The following ITPR1 variants were observed in gnomAD, a reference collection of about 807,000 sequenced individuals.
The protein encoded by ITPR1 is inositol 1,4,5-trisphosphate-gated calcium channel ITPR1.
Under a neutral mutation model 318.4 loss-of-function variants are expected in ITPR1, and 96 were observed. The observed-to-expected ratio is 0.30, with a 90% CI of 0.26 to 0.36. The LOEUF (loss-of-function observed/expected upper bound fraction) is 0.36, where lower values mean the gene tolerates loss of function less well. Among genes scored for constraint, ITPR1 ranks in the 10% least tolerant of loss-of-function variants. The pLI is 1.00. For synonymous variants in ITPR1, 1,312 were observed against 1,289.9 expected (o/e 1.02, Z -0.37); for missense variants, 2,440 against 3,460.2 (o/e 0.71, Z 7.40).
chr3:4,722,052 C>T lies in ITPR1; in HGVS notation c.5137-3494C>T, dbSNP rs567750432. 1.3e-3 allele frequency among the ~76,000 whole-genome samples: 199 copies of T among 152,276 alleles called. 1 individual carries two copies. The highest frequency in any genetic ancestry group is 2.3e-3 in the Non-Finnish European group (155 of 68,030). ...CGCATATGCATATATTCAGTTACTACCCAAGGTACCATAATGAGGGCCTGA... is the reference window on the plus strand; with the variant it reads ...CGCATATGCATATATTCAGTTACTATCCAAGGTACCATAATGAGGGCCTGA... On this transcript the variant is annotated intron_variant, in intron 40 of 61. Transcript: ENST00000649015.
chr3:4,684,187 T>A, intron 28 of ITPR1, 94 bp from the exon 29 acceptor site: 1 of 796,754 alleles, frequency 1.3e-6, no homozygotes. Context: ...AGTATAGAAC[T>A]CCCTTTCTTT....
intron 53 of ITPR1, among the ~76,000 whole-genome samples, chr3:4,796,082 A>C (rs1164495310): frequency 6.6e-6 from 1 of 152,076 alleles, no homozygotes; most frequent in East Asian, 1.9e-4. Flanking sequence ...TTCAGGCTCC[A>C]CTCTTTAGCT....
chr3:4,659,364 T>G (rs762719480), intron 13 of ITPR1, among the ~76,000 whole-genome samples: 2 of 152,154 alleles, frequency 1.3e-5, no homozygotes, highest in Non-Finnish European at 2.9e-5. Flanking sequence ...CGAATGAATA[T>G]CAGTTGTCAT....
At position 4,521,902 on chromosome 3, in the gene ITPR1, G is replaced by T. The variant is rs575143611; in HGVS notation, c.163+808G>T. Among the ~76,000 whole-genome samples the T allele has an allele frequency of 1.5e-3, 234 of 152,092 alleles. No homozygotes were observed. The Middle Eastern group carries it at 0.024, about 15-fold the overall frequency. On this transcript the variant is annotated intron_variant, in intron 4 of 61. Transcript: ENST00000649015. The stretch of plus-strand genomic sequence containing the variant: ...AAAACAAAAACAAAAACAAAAACAA[G>T]ACATAGGCAGGGCAGCTTTTCTACC...
intron 5 of ITPR1, among the ~76,000 whole-genome samples, chr3:4,630,292 G>A (rs1479264975): frequency 2.0e-5 from 3 of 151,994 alleles, no homozygotes; most frequent in Non-Finnish European, 2.9e-5. Context: ...TATCTGTGAC[G>A]TGGTTTTCTA....
At chr3:4,694,139 T>C (rs1235290621) in intron 33 of ITPR1, among the ~76,000 whole-genome samples, 1 of 151,412 alleles carries the variant, frequency 6.6e-6, no homozygotes, top group Non-Finnish European at 1.5e-5. Context: ...ATTACAGAAA[T>C]AATGGCCATT....
At chr3:4,565,149 C>T (rs2087097960) in intron 4 of ITPR1, among the ~76,000 whole-genome samples, 1 of 152,128 alleles carries the variant, frequency 6.6e-6, no homozygotes, top group South Asian at 2.1e-4. Context: ...TTGTTGATTC[C>T]TCATAAGCAC....
At chr3:4,539,113 C>T (rs1383774353) in intron 4 of ITPR1, among the ~76,000 whole-genome samples, 1 of 152,154 alleles carries the variant, frequency 6.6e-6, no homozygotes, top group Non-Finnish European at 1.5e-5. Flanking sequence ...TTTCTTCCTA[C>T]ACATTTTGAC....
intron 35 of ITPR1, among the ~76,000 whole-genome samples, chr3:4,700,846 G>A (rs372668424): frequency 2.3e-4 from 35 of 152,290 alleles, no homozygotes; most frequent in South Asian, 1.2e-3. Context: ...TGAAAGGCAC[G>A]TCCCACATGG....
At chr3:4,547,199 C>A (rs775854680) in intron 4 of ITPR1, among the ~76,000 whole-genome samples, 2 of 152,194 alleles carry the variant, frequency 1.3e-5, no homozygotes, top group Non-Finnish European at 2.9e-5. Context: ...ACTTTAATTT[C>A]TCTTTTAGGA....
intron 5 of ITPR1, among the ~76,000 whole-genome samples, chr3:4,630,271 G>T (rs982746140): frequency 1.3e-5 from 2 of 152,220 alleles, no homozygotes; most frequent in African/African-American, 4.8e-5. Context: ...TTGGCAGTGT[G>T]AAAAGCATGT....
chr3:4,697,455 C>CTTTTTTTTTT lies in ITPR1; in HGVS notation c.4407+188_4407+197dup, dbSNP rs369934199. Among the ~76,000 whole-genome samples, 363 of 86,736 alleles carry CTTTTTTTTTT rather than the reference C, an allele frequency of 4.2e-3. 63 individuals carry two copies. The highest frequency in any genetic ancestry group is 0.015 in the African/African-American group (346 of 23,498). 56.9% of individuals were successfully genotyped at this position (86,736 alleles called of 152,430 possible). ...CTTTCTTCTCATGTATCCTTTCTTC[C>CTTTTTTTTTT]TTTTTTTTTTTTTTGAGCTGGAGTC... On this transcript the variant is annotated intron_variant, in intron 34 of 61. Coordinates refer to ENST00000649015, the MANE Select transcript of ITPR1 (RefSeq NM_001378452.1).
chr3:4,557,990 T>C (rs1203972047), intron 4 of ITPR1, among the ~76,000 whole-genome samples: 1 of 152,226 alleles, frequency 6.6e-6, no homozygotes. Flanking sequence ...TTCACTTTCT[T>C]TTCTCTTTCC....
rs1439764413 is a variant in ITPR1 at position 4,837,697 on chromosome 3, TC to T, written c.8190+763del. On this transcript the variant is annotated intron_variant, in intron 61 of 61. Coordinates refer to ENST00000649015, the MANE Select transcript of ITPR1 (RefSeq NM_001378452.1). ...CATGTTTATACAAAACCGTGCGTAC[TC>T]TGTTTCTGCCCTTTTGACTCCATTA... Among the ~76,000 whole-genome samples, 13 of 152,214 alleles carry T rather than the reference TC, an allele frequency of 8.5e-5. No individual in the cohort carries two copies. The South Asian group carries it at 2.7e-3, about 32-fold the overall frequency.
chr3:4,835,433 G>T (rs1334283714), intron 60 of ITPR1, among the ~76,000 whole-genome samples: 1 of 152,124 alleles, frequency 6.6e-6, no homozygotes, highest in Non-Finnish European at 1.5e-5. Context: ...CTGGTTGTTT[G>T]GGGGGTATAA....
intron 4 of ITPR1, among the ~76,000 whole-genome samples, chr3:4,532,396 G>T (rs1214226844): frequency 6.6e-6 from 1 of 152,064 alleles, no homozygotes; most frequent in African/African-American, 2.4e-5. Flanking sequence ...ATAGGGTCTT[G>T]CTCTGTAGCT....
intron 26 of ITPR1, 72 bp from the exon 27 acceptor site, chr3:4,683,314 A>C (rs1009801450): frequency 9.2e-6 from 14 of 1,514,602 alleles, no homozygotes; most frequent in Middle Eastern, 1.7e-4. Flanking sequence ...GGTTAGGTGC[A>C]TCTGGGCCCA....
chr3:4,704,495 T>C (rs2094718046), intron 36 of ITPR1, among the ~76,000 whole-genome samples: 1 of 152,188 alleles, frequency 6.6e-6, no homozygotes, highest in Admixed American at 6.5e-5. Flanking sequence ...AACCTCAGCA[T>C]TAAGCAATAC....
chr3:4,523,142 G>T (rs1261492289), intron 4 of ITPR1, among the ~76,000 whole-genome samples: 1 of 152,164 alleles, frequency 6.6e-6, no homozygotes, highest in East Asian at 1.9e-4. Context: ...TGGGACCAAG[G>T]GGAGGGATAT....
Sources: gnomAD v4.1 joint callset for allele counts (sites outside exome capture counted in the v4.1 genomes callset) on GRCh38, gnomAD v4.1.1 for gene constraint, MANE v1.5 for transcripts, NCBI Gene and HGNC (gene_info 2026-07-23, HGNC 2026-07-21) for gene names.